Variants in PPP2R5C observed in about 807,000 individuals in gnomAD.
PPP2R5C encodes serine/threonine-protein phosphatase 2A 56 kDa regulatory subunit gamma isoform.
A neutral mutation model predicts 68.9 loss-of-function variants in PPP2R5C; 7 were observed. The ratio of observed to expected loss-of-function variants is 0.10; its 90% CI spans 0.06 to 0.19. PPP2R5C has a LOEUF of 0.19. Among genes scored for constraint, PPP2R5C ranks in the 10% least tolerant of loss-of-function variants. The pLI, the probability that PPP2R5C is intolerant of heterozygous loss-of-function variation, is 1.00. For synonymous variants in PPP2R5C, 210 were observed against 222.2 expected (o/e 0.95, Z 0.49); for missense variants, 348 against 641.3 (o/e 0.54, Z 4.94).
At chr14:101,919,661 A>G (rs762016717) in intron 13 of PPP2R5C, among the ~76,000 whole-genome samples, 3 of 152,174 alleles carry the variant, frequency 2.0e-5, no homozygotes, top group Non-Finnish European at 2.9e-5. Context: ...ACACGAGGCT[A>G]TACACAGTTA....
At chr14:101,818,865 A>T in intron 1 of PPP2R5C, 4 of 693,458 alleles carry the variant, frequency 5.8e-6, no homozygotes, top group East Asian at 2.7e-5. Context: ...TCAGTTTGTC[A>T]TCGATGTATG....
chr14:101,833,627 G>A (rs1037898290), intron 1 of PPP2R5C: 1 of 152,218 alleles, frequency 6.6e-6, no homozygotes, highest in Non-Finnish European at 1.5e-5. Flanking sequence ...CACAGTATGA[G>A]GGAGCAGCAC....
At chr14:101,810,245 A>G (rs1413896296) in intron 1 of PPP2R5C, 1 of 561,374 alleles carries the variant, frequency 1.8e-6, no homozygotes, top group African/African-American at 1.9e-5. Flanking sequence ...GAGGCCTTGC[A>G]TGCATAGTTC....
intron 2 of PPP2R5C, among the ~76,000 whole-genome samples, chr14:101,764,405 A>G (rs2036744291): frequency 6.6e-6 from 1 of 152,214 alleles, no homozygotes; most frequent in African/African-American, 2.4e-5. Context: ...CCAGTGTCAG[A>G]CTTCTTCCTG....
intron 2 of PPP2R5C, among the ~76,000 whole-genome samples, chr14:101,869,140 C>G (rs889252175): frequency 1.2e-4 from 19 of 152,228 alleles, no homozygotes; most frequent in Non-Finnish European, 2.1e-4. Flanking sequence ...CTAGTCTGTT[C>G]TCTATCACAT....
chr14:101,832,296 G>A (rs908270850), intron 1 of PPP2R5C, among the ~76,000 whole-genome samples: 1 of 152,142 alleles, frequency 6.6e-6, no homozygotes, highest in Non-Finnish European at 1.5e-5. Context: ...CACTGCTAAC[G>A]GCAGTTATTT....
chr14:101,769,067 A>G lies in PPP2R5C; in HGVS notation c.93+6097A>G, dbSNP rs111526542. Among the ~76,000 whole-genome samples, 1,026 of 152,068 alleles carry G rather than the reference A, an allele frequency of 6.7e-3. 7 individuals are homozygous for G. Among genetic ancestry groups the G allele is most frequent in the African/African-American group, 0.021 (855 of 41,456 alleles). ...TCTCGGTCTCCTGACCTCATGATCC[A>G]CCTGCCTCGGCCTCCCAAAGTGCTG... On this transcript the variant is annotated intron_variant, in intron 2 of 14. Transcript: ENST00000328724.
rs186244732 is a variant in PPP2R5C, at chr14:101,766,685, C to G, written c.93+3715C>G. On this transcript the variant is annotated intron_variant, in intron 2 of 14. Transcript: ENST00000328724. ...TGGAAATAAAAGTTTCTTCCCACTA[C>G]TTATTGCTGATTTATTTCATAGGAA... is the stretch of plus-strand genomic sequence containing the variant. 8.7e-4 allele frequency: 133 copies of G among 152,330 alleles called. 1 individual carries two copies. Among genetic ancestry groups the G allele is most frequent in the African/African-American group, 3.1e-3 (129 of 41,576 alleles). The allele number at this position is 152,330 out of a possible 1,614,324, so 9.4% of individuals were successfully genotyped here.
At chr14:101,805,543 C>T (rs2039039616), upstream of PPP2R5C, among the ~76,000 whole-genome samples, 1 of 152,214 alleles carries the variant, frequency 6.6e-6, no homozygotes, top group Non-Finnish European at 1.5e-5. Context: ...CCAGCAATTT[C>T]ACTTGTTGGA....
At chr14:101,911,227 T>C (rs1431861244) in intron 11 of PPP2R5C, among the ~76,000 whole-genome samples, 1 of 151,998 alleles carries the variant, frequency 6.6e-6, no homozygotes, top group African/African-American at 2.4e-5. Context: ...TGAGCCAAGA[T>C]CACGCCACTG....
intron 2 of PPP2R5C, among the ~76,000 whole-genome samples, chr14:101,771,282 T>C (rs938122171): frequency 2.0e-5 from 3 of 146,832 alleles, no homozygotes; most frequent in African/African-American, 7.6e-5. Flanking sequence ...TGAGACAGAG[T>C]CTCACCCTGT....
chr14:101,808,856 T>C (rs186715038), upstream of PPP2R5C, among the ~76,000 whole-genome samples: 104 of 152,324 alleles, frequency 6.8e-4, no homozygotes, highest in Non-Finnish European at 1.2e-3. Flanking sequence ...TTGGAACTAC[T>C]AATAACACTC....
intron 1 of PPP2R5C, among the ~76,000 whole-genome samples, chr14:101,845,893 C>T (rs2041798136): frequency 6.6e-6 from 1 of 152,232 alleles, no homozygotes; most frequent in African/African-American, 2.4e-5. Context: ...TCTATCCAAA[C>T]ATGTAAACGA....
chr14:101,850,970 G>T (rs889716060), intron 1 of PPP2R5C, among the ~76,000 whole-genome samples: 1 of 152,154 alleles, frequency 6.6e-6, no homozygotes, highest in Non-Finnish European at 1.5e-5. Context: ...TACTCGTTTT[G>T]TACTAAGAAT....
intron 1 of PPP2R5C, among the ~76,000 whole-genome samples, chr14:101,829,569 C>CT (rs1259015159): frequency 1.3e-5 from 2 of 152,204 alleles, no homozygotes; most frequent in Non-Finnish European, 2.9e-5. Context: ...TCGTGCTTTA[C>CT]TTTTAACTGA....
At chr14:101,837,091 T>C (rs10431642) in intron 1 of PPP2R5C, among the ~76,000 whole-genome samples, 32,960 of 152,212 alleles carry the variant, frequency 0.22, 4,186 homozygotes, top group African/African-American at 0.35. Context: ...CTTTCAGGTT[T>C]GATGGCTGGA....
chr14:101,872,605 C>T (rs932870741), intron 2 of PPP2R5C, among the ~76,000 whole-genome samples: 1 of 152,154 alleles, frequency 6.6e-6, no homozygotes, highest in Non-Finnish European at 1.5e-5. Flanking sequence ...AAAACTTTTG[C>T]TCGCCTGTTG....
At chr14:101,831,760 G>A (rs2040756855) in intron 1 of PPP2R5C, 5 of 702,228 alleles carry the variant, frequency 7.1e-6, no homozygotes, top group Admixed American at 4.0e-5. Context: ...TCATACGCAC[G>A]GGTTCTGCGG....
chr14:101,883,928 C>G (rs1054800235), intron 5 of PPP2R5C, among the ~76,000 whole-genome samples: 1 of 152,174 alleles, frequency 6.6e-6, no homozygotes, highest in Non-Finnish European at 1.5e-5. Context: ...GGACAGGACG[C>G]ATAGGATAGA....
Sources: gnomAD v4.1 joint callset for allele counts (sites outside exome capture counted in the v4.1 genomes callset) on GRCh38, gnomAD v4.1.1 for gene constraint, MANE v1.5 for transcripts, NCBI Gene and HGNC (gene_info 2026-07-23, HGNC 2026-07-21) for gene names.